INTU: variants seen among roughly 807,000 people sequenced by gnomAD.
INTU encodes inturned planar cell polarity protein.
A neutral mutation model predicts 100.5 loss-of-function variants in INTU; 68 were observed. The ratio of observed to expected loss-of-function variants is 0.68; its 90% CI spans 0.56 to 0.83. The LOEUF (loss-of-function observed/expected upper bound fraction) is 0.83. Ranked by LOEUF, INTU falls within the 40% of genes least tolerant of loss-of-function variation. The pLI is 0.00. For synonymous variants in INTU, 357 were observed against 395.7 expected (o/e 0.90, Z 1.16); for missense variants, 1,071 against 1,114.7 (o/e 0.96, Z 0.56).
chr4:127,679,460 C>T (rs148643733), intron 6 of INTU, among the ~76,000 whole-genome samples: 4,425 of 152,158 alleles, frequency 0.029, 93 homozygotes, highest in Non-Finnish European at 0.047. Flanking sequence ...CACTCAAAAC[C>T]GCTCAACTGC....
intron 4 of INTU, among the ~76,000 whole-genome samples, chr4:127,664,717 A>AT (rs1321228480): frequency 1.3e-5 from 2 of 151,492 alleles, no homozygotes; most frequent in Non-Finnish European, 3.0e-5. Flanking sequence ...AAGTATTTGA[A>AT]TTTTTTTTCT....
chr4:127,643,754 G>A lies in INTU; in HGVS notation c.380G>A (p.Arg127His), dbSNP rs139145791. 98 of 1,612,800 alleles carry A rather than the reference G, an allele frequency of 6.1e-5. No individual in the cohort carries two copies. In the African/African-American group the frequency reaches 9.6e-4, roughly 16 times the overall value. ...ILRRKRLLPK[R>H]CNKKNSNDNG... is the part of the protein sequence containing the mutation. ...AGAAGGAAAAGACTTTTACCCAAGC[G>A]CTGCAATAAAAAAAATAGCAATGAC... Residue 127 changes from arginine to histidine, a missense_variant, in exon 2 of 16, where the codon CGC becomes CAC. Arg to His is a conservative substitution (Grantham distance 29). Coordinates refer to ENST00000335251, the MANE Select transcript of INTU (RefSeq NM_015693.4).
intron 3 of INTU, among the ~76,000 whole-genome samples, chr4:127,661,303 T>A (rs573062585): frequency 1.3e-5 from 2 of 152,250 alleles, no homozygotes; most frequent in Non-Finnish European, 2.9e-5. Flanking sequence ...TTGTTGCTGC[T>A]GCCTGAAGAA....
At chr4:127,705,955 T>C in intron 11 of INTU, 143 bp downstream of exon 11, 1 of 639,920 alleles carries the variant, frequency 1.6e-6, no homozygotes, top group Non-Finnish European at 2.7e-6. Context: ...TGTAAAATTA[T>C]TAGTATGTCT....
intron 1 of INTU, among the ~76,000 whole-genome samples, chr4:127,641,909 G>A (rs535882182): frequency 2.6e-5 from 4 of 152,186 alleles, no homozygotes; most frequent in Admixed American, 6.5e-5. Context: ...TTCATATTTA[G>A]TAAGTGGAAA....
At chr4:127,702,268 T>C (rs556246587) in intron 9 of INTU, among the ~76,000 whole-genome samples, 4 of 152,284 alleles carry the variant, frequency 2.6e-5, no homozygotes, top group South Asian at 2.1e-4. Flanking sequence ...GTACAACTAC[T>C]TTGGAAGACA....
At chr4:127,662,784 T>C (rs1232959470) in intron 3 of INTU, among the ~76,000 whole-genome samples, 1 of 152,184 alleles carries the variant, frequency 6.6e-6, no homozygotes, top group East Asian at 1.9e-4. Flanking sequence ...TAAAACTCTC[T>C]TGATAAAATT....
intron 2 of INTU, among the ~76,000 whole-genome samples, chr4:127,644,660 T>C (rs1727491926): frequency 6.6e-6 from 1 of 152,224 alleles, no homozygotes; most frequent in Admixed American, 6.5e-5. Context: ...ATGAACATTT[T>C]GTGTTGCTGA....
intron 9 of INTU, 36 bp from the exon 10 acceptor site, chr4:127,704,191 AT>A (rs765230699): frequency 3.9e-6 from 6 of 1,538,996 alleles, no homozygotes; most frequent in Admixed American, 1.8e-5. Context: ...TCACAAAAAA[AT>A]AAAAATATAA....
chr4:127,699,856 T>G (rs1730568150), intron 8 of INTU, among the ~76,000 whole-genome samples, 154 bp from the exon 9 acceptor site: 1 of 152,188 alleles, frequency 6.6e-6, no homozygotes, highest in African/African-American at 2.4e-5. Context: ...TTAAAAACAA[T>G]ATGTTCCATT....
At chr4:127,679,503 G>T (rs1042736271) in intron 6 of INTU, among the ~76,000 whole-genome samples, 2 of 152,116 alleles carry the variant, frequency 1.3e-5, no homozygotes, top group Admixed American at 6.6e-5. Context: ...CTGAATGACT[G>T]CTGGGTACAT....
intron 7 of INTU, chr4:127,686,231 A>G (rs574026177): frequency 2.0e-5 from 3 of 152,320 alleles, no homozygotes; most frequent in South Asian, 2.1e-4. Context: ...AATTAAAGCT[A>G]TAACAATTTC....
chr4:127,706,874 G>T lies in INTU; in HGVS notation c.2176G>T (p.Asp726Tyr). Residue 726 changes from aspartate to tyrosine, a missense_variant, in exon 12 of 16, where the codon GAT becomes TAT. Asp to Tyr is a radical substitution (Grantham distance 160, BLOSUM62 -3). Coordinates refer to ENST00000335251, the MANE Select transcript of INTU (RefSeq NM_015693.4). Reference sequence around the variant, plus strand: ...CAATGGTTGTGAAGGTGGAGAAGATGATGGCTTTAGCCCCCATACTACACC... The same window carrying T: ...CAATGGTTGTGAAGGTGGAGAAGATTATGGCTTTAGCCCCCATACTACACC... Reference protein sequence around the residue: ...SDNGCEGGEDDGFSPHTTPDA... With the variant: ...SDNGCEGGEDYGFSPHTTPDA... 6.2e-7 allele frequency: 1 copy of T among 1,614,064 alleles called. No homozygotes were observed. Among genetic ancestry groups the T allele is most frequent in the Non-Finnish European group, 8.5e-7 (1 of 1,179,986 alleles).
At chr4:127,639,504 G>A (rs1560825051) in intron 1 of INTU, among the ~76,000 whole-genome samples, 1 of 151,996 alleles carries the variant, frequency 6.6e-6, no homozygotes, top group Non-Finnish European at 1.5e-5. Context: ...GTTTTTGTGG[G>A]TTTTTTGTTG....
chr4:127,698,068 T>C (rs4833384), intron 8 of INTU, among the ~76,000 whole-genome samples: 89,602 of 151,964 alleles, frequency 0.59, 26,983 homozygotes, highest in Middle Eastern at 0.72. Flanking sequence ...TGCGGTGAGC[T>C]GAGTTCATGC....
chr4:127,704,196 A>C, intron 9 of INTU, 32 bp from the exon 10 acceptor site: 1 of 1,558,474 alleles, frequency 6.4e-7, no homozygotes, highest in Non-Finnish European at 8.8e-7. Context: ...AAAAAATAAA[A>C]ATATAAAATC....
intron 8 of INTU, among the ~76,000 whole-genome samples, chr4:127,688,776 C>T (rs772064164): frequency 6.6e-6 from 1 of 152,092 alleles, no homozygotes; most frequent in Non-Finnish European, 1.5e-5. Context: ...GTGCCCGGCA[C>T]ATTGTAGTTG....
intron 7 of INTU, chr4:127,686,448 A>G (rs1285622705): frequency 2.0e-5 from 3 of 152,204 alleles, no homozygotes; most frequent in Non-Finnish European, 4.4e-5. Context: ...TTTCTACATT[A>G]TTATCTGGTT....
At chr4:127,700,148 A>G (rs1730586231) in intron 9 of INTU, 85 bp downstream of exon 9, 1 of 1,089,712 alleles carries the variant, frequency 9.2e-7, no homozygotes, top group Non-Finnish European at 1.4e-6. Context: ...TACCAAGTGG[A>G]TATATAATAA....
Sources: allele counts gnomAD v4.1 joint callset (sites outside exome capture counted in the v4.1 genomes callset), GRCh38; gene constraint gnomAD v4.1.1; transcripts MANE v1.5; gene names NCBI Gene and HGNC (gene_info 2026-07-23, HGNC 2026-07-21).